NELL2: variants seen among roughly 807,000 people sequenced by gnomAD.
NELL2 encodes the protein protein kinase C-binding protein NELL2.
In NELL2, 41 loss-of-function variants were observed where a neutral mutation model predicts 109.6. That is an observed-to-expected ratio of 0.37 (90% CI 0.29 to 0.49). NELL2 has a LOEUF of 0.49. Among genes scored for constraint, NELL2 ranks in the 20% least tolerant of loss-of-function variants. NELL2 has a pLI of 0.98. For missense variants in NELL2, 900 were observed against 1,008.3 expected (o/e 0.89, Z 1.45); for synonymous variants, 355 against 344.7 (o/e 1.03, Z -0.33).
chr12:44,626,933 G>A (rs973944798), intron 13 of NELL2, among the ~76,000 whole-genome samples: 3 of 152,140 alleles, frequency 2.0e-5, no homozygotes, highest in Non-Finnish European at 2.9e-5. Flanking sequence ...TCTAAAAATT[G>A]TAATAGTTTT....
At chr12:44,736,315 AT>A (rs1284761270) in intron 9 of NELL2, among the ~76,000 whole-genome samples, 5 of 151,972 alleles carry the variant, frequency 3.3e-5, no homozygotes, top group African/African-American at 1.2e-4. Context: ...GGCCTTCTTT[AT>A]TTTTTTAAAA....
At chr12:44,589,721 A>T (rs1046754951) in intron 15 of NELL2, among the ~76,000 whole-genome samples, 1 of 152,202 alleles carries the variant, frequency 6.6e-6, no homozygotes, top group Non-Finnish European at 1.5e-5. Context: ...GGTTGCTCTT[A>T]ATTAGTAATC....
intron 9 of NELL2, among the ~76,000 whole-genome samples, chr12:44,741,351 C>G (rs1460496760): frequency 6.6e-6 from 1 of 152,076 alleles, no homozygotes; most frequent in Non-Finnish European, 1.5e-5. Flanking sequence ...ATAGGAACAG[C>G]TCTGGTCTAC....
upstream of NELL2, chr12:44,876,455 G>T: frequency 7.7e-7 from 1 of 1,298,964 alleles, no homozygotes; most frequent in Admixed American, 3.3e-5. Flanking sequence ...ACGGTCTCCT[G>T]GATGCCAAAC....
intron 1 of NELL2, among the ~76,000 whole-genome samples, chr12:44,900,737 A>G (rs1945650103): frequency 6.6e-6 from 1 of 152,116 alleles, no homozygotes; most frequent in Middle Eastern, 3.2e-3. Flanking sequence ...TTAAAAAGCT[A>G]GCAAACACTT....
chr12:44,824,041 GA>G (rs1211976945), intron 2 of NELL2, among the ~76,000 whole-genome samples: 3 of 152,102 alleles, frequency 2.0e-5, no homozygotes, highest in Non-Finnish European at 4.4e-5. Flanking sequence ...CTTCTTTTGA[GA>G]AATGTTATTT....
chr12:44,716,278 C>T (rs1421810037), intron 9 of NELL2, among the ~76,000 whole-genome samples: 2 of 152,178 alleles, frequency 1.3e-5, no homozygotes, highest in Non-Finnish European at 2.9e-5. Flanking sequence ...TCCAACTGAT[C>T]TCCTTACACA....
At chr12:44,508,277 G>A (rs1940820052), downstream of NELL2, 1 of 152,582 alleles carries the variant, frequency 6.6e-6, no homozygotes, top group Admixed American at 6.5e-5. Flanking sequence ...ACTCACATGT[G>A]TTATAAGGTA....
chr12:44,673,212 AAAGTC>A (rs1948202075), intron 12 of NELL2, among the ~76,000 whole-genome samples: 1 of 152,240 alleles, frequency 6.6e-6, no homozygotes, highest in Non-Finnish European at 1.5e-5. Flanking sequence ...AAGTTACATA[AAAGTC>A]ATTTCCATTT....
At chr12:44,861,566 C>T (rs1375978337) in intron 2 of NELL2, among the ~76,000 whole-genome samples, 5 of 152,182 alleles carry the variant, frequency 3.3e-5, no homozygotes, top group Non-Finnish European at 4.4e-5. Context: ...TGGACTACCC[C>T]GAGAGCTGAG....
intron 9 of NELL2, among the ~76,000 whole-genome samples, chr12:44,758,063 C>CAA (rs397957289): frequency 6.7e-6 from 1 of 149,982 alleles, no homozygotes; most frequent in African/African-American, 2.4e-5. Flanking sequence ...CACACACACA[C>CAA]TCCCCCGCCA....
At chr12:44,559,085 A>G (rs1304312114) in intron 15 of NELL2, among the ~76,000 whole-genome samples, 1 of 152,216 alleles carries the variant, frequency 6.6e-6, no homozygotes, top group African/African-American at 2.4e-5. Context: ...ACTAAGCTTC[A>G]TGAGTGAAGG....
intron 13 of NELL2, among the ~76,000 whole-genome samples, chr12:44,658,211 C>A (rs534072162): frequency 6.6e-6 from 1 of 152,240 alleles, no homozygotes; most frequent in Non-Finnish European, 1.5e-5. Flanking sequence ...TGTCTCAGCC[C>A]AAAATCTCTT....
chr12:44,570,791 C>T (rs1057402262), intron 15 of NELL2, among the ~76,000 whole-genome samples: 1 of 152,154 alleles, frequency 6.6e-6, no homozygotes, highest in Non-Finnish European at 1.5e-5. Context: ...ACATCTCAGA[C>T]TTGGGCAAAA....
intron 15 of NELL2, among the ~76,000 whole-genome samples, chr12:44,533,131 C>T (rs754227495): frequency 1.2e-4 from 18 of 152,076 alleles, no homozygotes; most frequent in Non-Finnish European, 2.6e-4. Flanking sequence ...CTATGCAGAT[C>T]CTTTAAGATG....
intron 12 of NELL2, among the ~76,000 whole-genome samples, chr12:44,682,723 A>G (rs1264261890): frequency 6.6e-6 from 1 of 152,186 alleles, no homozygotes; most frequent in African/African-American, 2.4e-5. Flanking sequence ...AAGATCAGAT[A>G]GTTGCAGATA....
chr12:44,805,852 G>A (rs1229207862), intron 3 of NELL2, among the ~76,000 whole-genome samples: 1 of 151,768 alleles, frequency 6.6e-6, no homozygotes, highest in African/African-American at 2.4e-5. Context: ...ACCCAAAGGA[G>A]AATGTTCAAT....
At chr12:44,519,575 T>C (rs986217642) in intron 19 of NELL2, among the ~76,000 whole-genome samples, 9 of 152,212 alleles carry the variant, frequency 5.9e-5, no homozygotes, top group Non-Finnish European at 1.3e-4. Flanking sequence ...TGATTTCCAC[T>C]TTGGAAAATG....
rs113268769 is a variant in NELL2, at chr12:44,876,106, G to A, written c.-237C>T. 6 of 1,329,790 alleles carry A rather than the reference G, an allele frequency of 4.5e-6. No individual in the cohort carries two copies. Among genetic ancestry groups the A allele is most frequent in the African/African-American group, 3.0e-5 (2 of 67,648 alleles). The allele number at this position is 1,329,790 out of a possible 1,614,324, so 82.4% of individuals were successfully genotyped here. ...TCATTCCCACACGCAGGGCCGAGGCGGCAGCGCGGCCCGGAGGGGGCCCGG... is the reference window on the plus strand; with the variant it reads ...TCATTCCCACACGCAGGGCCGAGGCAGCAGCGCGGCCCGGAGGGGGCCCGG... On this transcript the variant is annotated 5_prime_UTR_variant, in exon 1 of 20. Transcript: ENST00000429094.
Sources: allele counts gnomAD v4.1 joint callset (sites outside exome capture counted in the v4.1 genomes callset), GRCh38; gene constraint gnomAD v4.1.1; transcripts MANE v1.5; gene names NCBI Gene and HGNC (gene_info 2026-07-23, HGNC 2026-07-21).